The following RBFOX1 variants were observed in gnomAD, a reference collection of about 807,000 sequenced individuals.
RBFOX1 encodes RNA binding fox-1 homolog 1.
In RBFOX1, 8 loss-of-function variants were observed where a neutral mutation model predicts 57.7. That is an observed-to-expected ratio of 0.14 (90% confidence interval 0.08 to 0.25). The LOEUF is 0.25. Among genes scored for constraint, RBFOX1 ranks in the 10% least tolerant of loss-of-function variants. The pLI is 1.00. For synonymous variants in RBFOX1, 326 were observed against 222.4 expected (o/e 1.47, Z -4.15); for missense variants, 611 against 548.5 (o/e 1.11, Z -1.14).
chr16:5,700,114 G>A (rs1318917102), intron 3 of RBFOX1, among the ~76,000 whole-genome samples: 2 of 152,212 alleles, frequency 1.3e-5, no homozygotes, highest in Non-Finnish European at 2.9e-5. Context: ...TTACAGGCGT[G>A]AGCCACCATG....
At chr16:6,280,377 G>T (rs2152696422) in intron 1 of RBFOX1, among the ~76,000 whole-genome samples, 1 of 152,212 alleles carries the variant, frequency 6.6e-6, no homozygotes, top group South Asian at 2.1e-4. Context: ...ATATCTATCA[G>T]CTCACCCACC....
In RBFOX1 at chr16:5,768,364, C is replaced by T. The variant is rs187703612; in HGVS notation, c.319-98939C>T. On this transcript the variant is annotated intron_variant, in intron 3 of 19. Transcript: ENST00000641259. ...CTGCTGAAATGTTAGAGTCCTACGG[C>T]TGTTTTTTTCTTTTGCATATTATTA... Among the ~76,000 whole-genome samples the T allele has an allele frequency of 1.9e-3, 286 of 152,284 alleles. 1 individual carries two copies. The highest frequency in any genetic ancestry group is 6.7e-3 in the African/African-American group (279 of 41,562).
intron 3 of RBFOX1, among the ~76,000 whole-genome samples, chr16:6,867,022 A>AAAAAAAAACTT (rs1183948906): frequency 4.0e-5 from 5 of 123,584 alleles, no homozygotes; most frequent in Admixed American, 7.7e-5. Flanking sequence ...TCTTTAAAAA[A>AAAAAAAAACTT]AAAAAAAAAA....
At chr16:5,605,854 A>G (rs150890647) in intron 3 of RBFOX1, among the ~76,000 whole-genome samples, 61 of 152,186 alleles carry the variant, frequency 4.0e-4, no homozygotes, top group Non-Finnish European at 8.4e-4. Flanking sequence ...CCTTGAGAAC[A>G]GGAGGGGAGA....
chr16:6,957,803 G>T (rs1178685971), intron 3 of RBFOX1, among the ~76,000 whole-genome samples: 1 of 152,098 alleles, frequency 6.6e-6, no homozygotes, highest in East Asian at 1.9e-4. Flanking sequence ...GGAAAGCCAG[G>T]CATCTCTCTT....
intron 3 of RBFOX1, among the ~76,000 whole-genome samples, chr16:6,992,653 A>G (rs1034653597): frequency 1.3e-5 from 2 of 152,210 alleles, no homozygotes; most frequent in South Asian, 2.1e-4. Context: ...TAAAAGTTAC[A>G]CAACTTCAAC....
intron 1 of RBFOX1, among the ~76,000 whole-genome samples, chr16:6,116,285 G>T (rs2096495180): frequency 6.6e-6 from 1 of 150,908 alleles, no homozygotes. Context: ...GGGGGGCAGG[G>T]GAGGCATAGC....
At chr16:6,943,257 A>G (rs369701065) in intron 3 of RBFOX1, among the ~76,000 whole-genome samples, 1 of 152,232 alleles carries the variant, frequency 6.6e-6, no homozygotes, top group Non-Finnish European at 1.5e-5. Context: ...TCAATGACTG[A>G]TCAAGGTGCA....
At chr16:5,595,164 A>G (rs1156503953) in intron 2 of RBFOX1, among the ~76,000 whole-genome samples, 2 of 152,044 alleles carry the variant, frequency 1.3e-5, no homozygotes, top group Non-Finnish European at 2.9e-5. Flanking sequence ...CAAAAAAACC[A>G]TGTTTCCCCA....
intron 4 of RBFOX1, among the ~76,000 whole-genome samples, chr16:7,506,273 G>A (rs1289276871): frequency 6.6e-6 from 1 of 150,498 alleles, no homozygotes; most frequent in African/African-American, 2.5e-5. Context: ...ATCTAAATGA[G>A]GTCAGATCTG....
chr16:7,252,931 A>T (rs2094546723), intron 4 of RBFOX1, among the ~76,000 whole-genome samples: 3 of 152,200 alleles, frequency 2.0e-5, no homozygotes, highest in African/African-American at 7.2e-5. Context: ...CATGTGTGTA[A>T]TCACACACAT....
intron 4 of RBFOX1, among the ~76,000 whole-genome samples, chr16:7,196,564 A>T (rs1301902172): frequency 6.6e-6 from 1 of 152,206 alleles, no homozygotes; most frequent in Non-Finnish European, 1.5e-5. Flanking sequence ...TCACCCTGAC[A>T]ACAATCCTGA....
chr16:5,248,555 A>G (rs1425659246), intron 1 of RBFOX1, among the ~76,000 whole-genome samples: 1 of 152,022 alleles, frequency 6.6e-6, no homozygotes, highest in African/African-American at 2.4e-5. Context: ...TCTAGACCTC[A>G]CCAGCTGAGG....
At chr16:6,620,255 A>G (rs1031702927) in intron 2 of RBFOX1, among the ~76,000 whole-genome samples, 1 of 152,236 alleles carries the variant, frequency 6.6e-6, no homozygotes, top group East Asian at 1.9e-4. Context: ...TTCTGGGTCA[A>G]TAATGAAATT....
chr16:5,423,553 GTTGCTGCGTGTCTCTGAGGCCA>G (rs1235693879), intron 1 of RBFOX1, among the ~76,000 whole-genome samples: 3 of 152,196 alleles, frequency 2.0e-5, no homozygotes, highest in Admixed American at 6.5e-5. Context: ...ACCCTGGGCT[GTTGCTGCGTGTCTCTGAGGCCA>G]TTGCTGCGTG....
At chr16:5,521,229 G>T (rs1351796124) in intron 2 of RBFOX1, among the ~76,000 whole-genome samples, 1 of 152,024 alleles carries the variant, frequency 6.6e-6, no homozygotes, top group Non-Finnish European at 1.5e-5. Context: ...CACCACCAGG[G>T]TCCCCAACTC....
rs184255535 is a variant in RBFOX1 at position 6,831,444 on chromosome 16, A to G, written c.-16+176794A>G. ...CTGAAACATATTTAACCACATAATTATACCTCAGCAAACCCTCCAACCAAA... is the reference window on the plus strand; with the variant it reads ...CTGAAACATATTTAACCACATAATTGTACCTCAGCAAACCCTCCAACCAAA... On this transcript the variant is annotated intron_variant, in intron 3 of 15. Coordinates refer to ENST00000550418, the MANE Select transcript of RBFOX1 (RefSeq NM_018723.4). Among the ~76,000 whole-genome samples, 144 of 152,310 alleles carry G rather than the reference A, an allele frequency of 9.5e-4. 1 individual carries two copies. The highest frequency in any genetic ancestry group is 3.4e-3 in the Middle Eastern group (1 of 294).
chr16:6,257,060 T>G (rs955944301), intron 1 of RBFOX1, among the ~76,000 whole-genome samples: 1 of 152,166 alleles, frequency 6.6e-6, no homozygotes. Context: ...ACAGGGGTCA[T>G]TTTTTGATGT....
intron 3 of RBFOX1, among the ~76,000 whole-genome samples, chr16:6,816,908 C>G (rs1052490345): frequency 6.6e-6 from 1 of 151,484 alleles, no homozygotes; most frequent in Non-Finnish European, 1.5e-5. Flanking sequence ...CCATGCCTAG[C>G]TGTTTTTTTT....
Sources: allele counts gnomAD v4.1 joint callset (sites outside exome capture counted in the v4.1 genomes callset), GRCh38; gene constraint gnomAD v4.1.1; transcripts MANE v1.5; gene names NCBI Gene and HGNC (gene_info 2026-07-23, HGNC 2026-07-21).